Variants in PAWR observed in about 807,000 individuals in gnomAD.
PAWR encodes pro-apoptotic WT1 regulator.
In PAWR, 23 loss-of-function variants were observed where a neutral mutation model predicts 32.0. The observed-to-expected ratio is 0.72, with a 90% confidence interval of 0.52 to 1.02. PAWR has a LOEUF of 1.02. Among genes scored for constraint, PAWR ranks in the 50% least tolerant of loss-of-function variants. The pLI, the probability that PAWR is intolerant of heterozygous loss-of-function variation, is 0.00. For missense variants in PAWR, 457 were observed against 437.7 expected, an observed-to-expected ratio of 1.04 and a Z score of -0.39; for synonymous variants, 226 against 187.1, an observed-to-expected ratio of 1.21 and a Z score of -1.70.
At position 79,689,931 on chromosome 12, in the gene PAWR, G is replaced by A. The variant is rs1034072857; in HGVS notation, c.314C>T (p.Pro105Leu). 65 of 1,408,946 alleles carry A rather than the reference G, an allele frequency of 4.6e-5. No homozygotes were observed. The Middle Eastern group carries it at 7.5e-4, about 16-fold the overall frequency. The allele number at this position is 1,408,946 out of a possible 1,614,324, so 87.3% of individuals were successfully genotyped here. The change falls in exon 2 of 7, where the codon CCG (proline) becomes CTG (leucine). Residue 105 changes from proline to leucine, a missense_variant. Physicochemically the swap from Pro to Leu is moderately conservative, Grantham distance 98 (BLOSUM62 -3). Transcript: ENST00000328827. ...TGGGGGCTCGTCCTCCGACCGCCGCGGGCCGGGGGCCGCCCGCGTCAGCAT... is the reference window on the plus strand; with the variant it reads ...TGGGGGCTCGTCCTCCGACCGCCGCAGGCCGGGGGCCGCCCGCGTCAGCAT... ...SAMLTRAAPGPRRSEDEPPAA... is the reference protein window; with the variant it reads ...SAMLTRAAPGLRRSEDEPPAA...
intron 2 of PAWR, among the ~76,000 whole-genome samples, chr12:79,638,493 C>A (rs1592521287): frequency 6.6e-6 from 1 of 151,932 alleles, no homozygotes; most frequent in Admixed American, 6.6e-5. Flanking sequence ...AAGTTTTTCC[C>A]ACTCCAAGAT....
intron 2 of PAWR, among the ~76,000 whole-genome samples, chr12:79,644,049 A>C (rs974093557): frequency 6.6e-6 from 1 of 152,172 alleles, no homozygotes; most frequent in African/African-American, 2.4e-5. Flanking sequence ...ATTAACATAC[A>C]TCAGTTGTTT....
At chr12:79,616,502 G>C (rs751333752) in intron 3 of PAWR, among the ~76,000 whole-genome samples, 1 of 152,118 alleles carries the variant, frequency 6.6e-6, no homozygotes, top group South Asian at 2.1e-4. Context: ...GTAAAACTTA[G>C]AGTAATAGAG....
intron 2 of PAWR, among the ~76,000 whole-genome samples, chr12:79,667,007 T>C (rs1185173253): frequency 1.3e-5 from 2 of 152,156 alleles, no homozygotes; most frequent in Non-Finnish European, 2.9e-5. Context: ...AGAAGCCCCT[T>C]CCCCTCTTCA....
chr12:79,593,663 A>AAAT lies in PAWR; in HGVS notation c.936+663_936+665dup, dbSNP rs548679288. 4.9e-4 allele frequency among the ~76,000 whole-genome samples: 74 copies of AAAT among 150,858 alleles called. No homozygotes were observed. The South Asian group carries it at 7.9e-3, about 16-fold the overall frequency. On this transcript the variant is annotated intron_variant, in intron 6 of 6. Transcript: ENST00000328827. ...CAACAGAGAGAGACTCCTTCTCAAAAAATAATAATAATAATAATAAAGAGT... is the reference window on the plus strand; with the variant it reads ...CAACAGAGAGAGACTCCTTCTCAAAAAATAATAATAATAATAATAATAAAGAGT...
chr12:79,647,860 G>A (rs1461251150), intron 2 of PAWR, among the ~76,000 whole-genome samples: 1 of 152,100 alleles, frequency 6.6e-6, no homozygotes, highest in Non-Finnish European at 1.5e-5. Flanking sequence ...CAATCTTTTT[G>A]GTACCAGGCA....
chr12:79,685,953 C>G (rs989916410), intron 2 of PAWR, among the ~76,000 whole-genome samples: 1 of 152,124 alleles, frequency 6.6e-6, no homozygotes, highest in African/African-American at 2.4e-5. Flanking sequence ...GATCTTGAAT[C>G]ATTTAAGCTC....
At chr12:79,607,626 G>A (rs1377659562) in intron 4 of PAWR, among the ~76,000 whole-genome samples, 1 of 151,742 alleles carries the variant, frequency 6.6e-6, no homozygotes, top group Admixed American at 6.6e-5. Flanking sequence ...CCACTTGGGA[G>A]GCCAAAGCTG....
At chr12:79,688,895 G>C (rs1878820560) in intron 2 of PAWR, among the ~76,000 whole-genome samples, 1 of 152,182 alleles carries the variant, frequency 6.6e-6, no homozygotes, top group Non-Finnish European at 1.5e-5. Context: ...GTTTGAGATT[G>C]TTTTGTCTTG....
At chr12:79,643,809 T>G (rs958523789) in intron 2 of PAWR, among the ~76,000 whole-genome samples, 4 of 152,164 alleles carry the variant, frequency 2.6e-5, no homozygotes, top group Admixed American at 2.6e-4. Context: ...TTTTCAGCTG[T>G]CAGGGAATAT....
In PAWR at chr12:79,591,615, C is replaced by T. The variant is rs1011409121; in HGVS notation, c.*992G>A. On this transcript the variant is annotated 3_prime_UTR_variant, in exon 7 of 7. Transcript: ENST00000328827. The stretch of plus-strand genomic sequence containing the variant: ...AGAAAATCCCTTAAATTTGAAATAG[C>T]GGAATATTCTCTCATATGAAAAAAC... 10 of 151,888 alleles carry T rather than the reference C, an allele frequency of 6.6e-5. No homozygotes were observed. The highest frequency in any genetic ancestry group is 7.4e-5 in the Non-Finnish European group (5 of 67,948). The allele number at this position is 151,888 out of a possible 1,614,324, so 9.4% of individuals were successfully genotyped here.
intron 4 of PAWR, among the ~76,000 whole-genome samples, chr12:79,613,098 T>C (rs1874515688): frequency 6.6e-6 from 1 of 152,128 alleles, no homozygotes; most frequent in South Asian, 2.1e-4. Context: ...CCTCCCTCTT[T>C]CTCTCTGCCA....
chr12:79,626,163 T>TAA (rs565157190), intron 2 of PAWR, among the ~76,000 whole-genome samples: 63 of 82,114 alleles, frequency 7.7e-4, no homozygotes, highest in African/African-American at 1.8e-3. Context: ...GACTCCATCT[T>TAA]AAAAAAAAAA....
chr12:79,619,909 A>G (rs1874922007), intron 3 of PAWR, among the ~76,000 whole-genome samples: 1 of 152,236 alleles, frequency 6.6e-6, no homozygotes, highest in Non-Finnish European at 1.5e-5. Context: ...ATAAAGATCA[A>G]TAAGGAAATC....
rs1878869556 is a variant in PAWR at position 79,689,647 on chromosome 12, C to A, written c.516+82G>T. The A allele has an allele frequency of 3.4e-6, 5 of 1,461,888 alleles. No individual in the cohort carries two copies. The East Asian group carries it at 1.3e-4, about 38-fold the overall frequency. The allele number at this position is 1,461,888 out of a possible 1,614,324, so 90.6% of individuals were successfully genotyped here. A position where few individuals can be genotyped will look rare whatever the true frequency, so the allele number is the denominator to read the frequency against. On this transcript the variant is annotated intron_variant, in intron 2 of 6. Transcript: ENST00000328827. ...GAGCCAGGGGAGGTAAACTCTGCGCCCCGGGTAGCTCCCAGGAGGAAGACA... is the reference window on the plus strand; with the variant it reads ...GAGCCAGGGGAGGTAAACTCTGCGCACCGGGTAGCTCCCAGGAGGAAGACA...
At chr12:79,669,210 G>A (rs1387260550) in intron 2 of PAWR, among the ~76,000 whole-genome samples, 1 of 152,136 alleles carries the variant, frequency 6.6e-6, no homozygotes, top group African/African-American at 2.4e-5. Flanking sequence ...AGGGATATAA[G>A]ACCAACAATA....
At chr12:79,688,215 A>G (rs1235980342) in intron 2 of PAWR, among the ~76,000 whole-genome samples, 1 of 149,936 alleles carries the variant, frequency 6.7e-6, no homozygotes, top group Admixed American at 6.7e-5. Context: ...CCCAGTAAAC[A>G]TTACCCTTGT....
intron 4 of PAWR, chr12:79,604,736 A>G: frequency 7.8e-7 from 1 of 1,274,614 alleles, no homozygotes. Context: ...AAATACAAAC[A>G]TACACATAAG....
At chr12:79,647,279 T>G (rs2136787651) in intron 2 of PAWR, among the ~76,000 whole-genome samples, 1 of 152,260 alleles carries the variant, frequency 6.6e-6, no homozygotes, top group East Asian at 1.9e-4. Context: ...GTGGTAAAGT[T>G]AAACTTTAAA....
Sources: gnomAD v4.1 joint callset for allele counts (sites outside exome capture counted in the v4.1 genomes callset) on GRCh38, gnomAD v4.1.1 for gene constraint, MANE v1.5 for transcripts, NCBI Gene and HGNC (gene_info 2026-07-23, HGNC 2026-07-21) for gene names.